Variants in DCAKD observed in about 807,000 individuals in gnomAD.
DCAKD encodes dephospho-CoA kinase domain-containing protein.
A neutral mutation model predicts 18.7 loss-of-function variants in DCAKD; 15 were observed. That is an observed-to-expected ratio of 0.80 (90% CI 0.54 to 1.24). The LOEUF (loss-of-function observed/expected upper bound fraction) is 1.24, where lower values mean the gene tolerates loss of function less well. Ranked by LOEUF, DCAKD falls within the 50% of genes most tolerant of loss-of-function variation. The pLI is 0.00. For synonymous variants in DCAKD, 130 were observed against 133.0 expected, an observed-to-expected ratio of 0.98 and a Z score of 0.16; for missense variants, 301 against 322.0, an observed-to-expected ratio of 0.93 and a Z score of 0.50.
At chr17:45,060,580 A>C (rs537600315) in intron 1 of DCAKD, among the ~76,000 whole-genome samples, 1 of 152,326 alleles carries the variant, frequency 6.6e-6, no homozygotes, top group South Asian at 2.1e-4. Flanking sequence ...TCTTGTGGGG[A>C]ATTAAAGGGA....
intron 4 of DCAKD, 96 bp from the exon 5 acceptor site, chr17:45,024,820 A>G: frequency 7.0e-7 from 1 of 1,418,534 alleles, no homozygotes. Context: ...TGAAACAGAG[A>G]GCATGGGGAC....
intron 4 of DCAKD, among the ~76,000 whole-genome samples, chr17:45,029,022 A>G (rs895950451): frequency 1.3e-5 from 2 of 152,232 alleles, no homozygotes; most frequent in African/African-American, 4.8e-5. Flanking sequence ...TCCTTTAAAA[A>G]AAATGTTTTT....
upstream of DCAKD, among the ~76,000 whole-genome samples, chr17:45,055,952 G>C (rs2053774911): frequency 6.6e-6 from 1 of 152,172 alleles, no homozygotes; most frequent in Non-Finnish European, 1.5e-5. Flanking sequence ...TCAGGAGTTT[G>C]AGACTAGCCT....
intron 1 of DCAKD, among the ~76,000 whole-genome samples, chr17:45,050,038 T>TTTC (rs2053657587): frequency 1.4e-5 from 2 of 147,682 alleles, no homozygotes; most frequent in African/African-American, 2.5e-5. Context: ...GCAGGTAATT[T>TTTC]TTTCTTTCTT....
rs962879247 is a variant in DCAKD, at chr17:45,051,358, T to C, written c.-115+3A>G. On this transcript the variant is annotated splice_donor_region_variant and intron_variant, in intron 1 of 4. Coordinates refer to ENST00000651974, the MANE Select transcript of DCAKD (RefSeq NM_001288655.2). Reference sequence around the variant, plus strand: ...AATGGGCCGTGGATATAAAAGCACTTGCCTTAGTGCTGGCCGCATACGACG... The same window carrying C: ...AATGGGCCGTGGATATAAAAGCACTCGCCTTAGTGCTGGCCGCATACGACG... The C allele has an allele frequency of 2.6e-5, 4 of 152,194 alleles. No homozygotes were observed. The highest frequency in any genetic ancestry group is 9.6e-5 in the African/African-American group (4 of 41,452). The allele number at this position is 152,194 out of a possible 1,614,324, so 9.4% of individuals were successfully genotyped here.
upstream of DCAKD, among the ~76,000 whole-genome samples, chr17:45,055,696 G>A (rs545980876): frequency 2.6e-5 from 4 of 152,258 alleles, no homozygotes; most frequent in South Asian, 8.3e-4. Flanking sequence ...AGGATCTCCT[G>A]CCTCTGGACA....
At chr17:45,034,101 C>T in intron 3 of DCAKD, 86 bp downstream of exon 3, 1 of 1,604,740 alleles carries the variant, frequency 6.2e-7, no homozygotes, top group Non-Finnish European at 8.5e-7. Context: ...AACCAGCTCC[C>T]CTACCCTGGC....
At chr17:45,058,193 T>C (rs978310860) in intron 1 of DCAKD, among the ~76,000 whole-genome samples, 1 of 151,800 alleles carries the variant, frequency 6.6e-6, no homozygotes, top group African/African-American at 2.4e-5. Context: ...TGCGCACCTG[T>C]AGTCCCAGCT....
At chr17:45,057,111 G>A (rs1162845389) in intron 1 of DCAKD, among the ~76,000 whole-genome samples, 1 of 151,268 alleles carries the variant, frequency 6.6e-6, no homozygotes, top group Non-Finnish European at 1.5e-5. Context: ...CATGTTGTCC[G>A]GGCTGGAGTG....
intron 1 of DCAKD, among the ~76,000 whole-genome samples, chr17:45,048,046 T>C (rs1223873145): frequency 6.6e-6 from 1 of 152,174 alleles, no homozygotes; most frequent in Non-Finnish European, 1.5e-5. Context: ...TTTGTATGTA[T>C]TTTTGTTGCA....
chr17:45,028,312 G>A lies in DCAKD; in HGVS notation c.404+1780C>T, dbSNP rs1224320927. Among the ~76,000 whole-genome samples the A allele has an allele frequency of 2.6e-5, 4 of 151,010 alleles. No homozygotes were observed. The East Asian group carries it at 7.9e-4, about 30-fold the overall frequency. ...TTTTTAGTAGAGACAGGGTTTAACC[G>A]TGTTAGCCAGGATGGTCGCGATCTT... On this transcript the variant is annotated intron_variant, in intron 4 of 4. Transcript: ENST00000651974.
Position 45,028,918 on chromosome 17 carries a change from T to C in DCAKD, c.404+1174A>G, listed in dbSNP as rs1380810900. 9.6e-4 allele frequency among the ~76,000 whole-genome samples: 129 copies of C among 133,970 alleles called. No homozygotes were observed. In the Middle Eastern group the frequency reaches 0.019, roughly 19 times the overall value. The allele number at this position is 133,970 out of a possible 152,430, so 87.9% of individuals were successfully genotyped here. A position where few individuals can be genotyped will look rare whatever the true frequency, so the allele number is the denominator to read the frequency against. On this transcript the variant is annotated intron_variant, in intron 4 of 4. Coordinates refer to ENST00000651974, the MANE Select transcript of DCAKD (RefSeq NM_001288655.2). ...TGGGGTTTCACCATGTTGGCCAGGC[T>C]GGTCTCGAACTCCTGACCTCAGGTA...
rs1476805874 is a variant in DCAKD at position 45,058,509 on chromosome 17, T to G, written c.-118+2379A>C. Among the ~76,000 whole-genome samples, 3 of 151,854 alleles carry G rather than the reference T, an allele frequency of 2.0e-5. No individual in the cohort carries two copies. In the East Asian group the frequency reaches 5.9e-4, roughly 30 times the overall value. On this transcript the variant is annotated intron_variant, in intron 1 of 4. Coordinates refer to the DCAKD transcript ENST00000310604. The stretch of plus-strand genomic sequence containing the variant: ...ATCTTGGCTTACTGCAACCTCCGCC[T>G]CCCAGGTTCAAAAGATTCTCGCGTC...
intron 1 of DCAKD, among the ~76,000 whole-genome samples, chr17:45,049,489 C>CTTT: frequency 7.1e-6 from 1 of 140,568 alleles, no homozygotes; most frequent in Non-Finnish European, 1.6e-5. Context: ...AAAAGTGGTT[C>CTTT]TTTTTTTTTT....
At chr17:45,026,758 C>T in intron 4 of DCAKD, 1 of 985,368 alleles carries the variant, frequency 1.0e-6, no homozygotes, top group African/African-American at 1.7e-5. Flanking sequence ...ATTGTGGGGC[C>T]AATACCCACC....
At chr17:45,047,358 T>G (rs1300958423) in intron 1 of DCAKD, among the ~76,000 whole-genome samples, 1 of 151,990 alleles carries the variant, frequency 6.6e-6, no homozygotes, top group East Asian at 1.9e-4. Context: ...CACAGCTCAG[T>G]GAAGTTTCAA....
rs1240639548 is a variant in DCAKD at position 45,028,429 on chromosome 17, G to A, written c.404+1663C>T. On this transcript the variant is annotated intron_variant, in intron 4 of 4. Transcript: ENST00000651974. ...CCGGCCTTTTTTTTTTTTTTTTTGA[G>A]ACGGAGTTTCATTCTTGTTGCCCAG... Among the ~76,000 whole-genome samples, 20 of 111,196 alleles carry A rather than the reference G, an allele frequency of 1.8e-4. No individual in the cohort carries two copies. The East Asian group carries it at 6.2e-3, about 34-fold the overall frequency. 72.9% of individuals were successfully genotyped at this position (111,196 alleles called of 152,430 possible).
chr17:45,054,169 G>C, upstream of DCAKD: 2 of 517,868 alleles, frequency 3.9e-6, no homozygotes, highest in South Asian at 2.8e-5. Context: ...GCCAGTATTT[G>C]AATCTCTTCC....
Position 45,024,425 on chromosome 17 carries a change from G to A in DCAKD, c.*8C>T. ...GGAGGCCTGGGGCTCCCTGCCTTGA[G>A]TGCCCCACTAGGCGTAAGGCAGAAG... On this transcript the variant is annotated 3_prime_UTR_variant, in exon 5 of 5. Transcript: ENST00000651974. The A allele has an allele frequency of 1.9e-6, 3 of 1,589,016 alleles. No homozygotes were observed. Among genetic ancestry groups the A allele is most frequent in the South Asian group, 1.1e-5 (1 of 89,990 alleles).
Sources: allele counts gnomAD v4.1 joint callset (sites outside exome capture counted in the v4.1 genomes callset), GRCh38; gene constraint gnomAD v4.1.1; transcripts MANE v1.5; gene names NCBI Gene and HGNC (gene_info 2026-07-23, HGNC 2026-07-21).